Variants in PRL observed in about 807,000 individuals in gnomAD.
The protein encoded by PRL is prolactin.
In PRL, 24 loss-of-function variants were observed where a neutral mutation model predicts 21.3. That is an observed-to-expected ratio of 1.13 (90% CI 0.82 to 1.59). The LOEUF (loss-of-function observed/expected upper bound fraction) is 1.59. PRL is among the 40% of genes most tolerant of loss of function. The pLI, the probability that PRL is intolerant of heterozygous loss-of-function variation, is 0.00. For missense variants in PRL, 243 were observed against 286.9 expected, an observed-to-expected ratio of 0.85 and a Z score of 1.10; for synonymous variants, 118 against 115.7, an observed-to-expected ratio of 1.02 and a Z score of -0.13.
At chr6:22,299,682 T>C (rs762947945), upstream of PRL, among the ~76,000 whole-genome samples, 4 of 151,900 alleles carry the variant, frequency 2.6e-5, no homozygotes, top group Non-Finnish European at 5.9e-5. Flanking sequence ...CTACTAAAAA[T>C]ACAAAAATTA....
At chr6:22,298,286 G>T (rs1045648772), upstream of PRL, among the ~76,000 whole-genome samples, 1 of 152,118 alleles carries the variant, frequency 6.6e-6, no homozygotes, top group African/African-American at 2.4e-5. Flanking sequence ...TCACCTTTTG[G>T]AAATTTCCTA....
chr6:22,300,513 A>G (rs1255357015), upstream of PRL, among the ~76,000 whole-genome samples: 5 of 152,240 alleles, frequency 3.3e-5, no homozygotes, highest in Admixed American at 6.5e-5. Flanking sequence ...CCCACTTTGC[A>G]GAGTGGAGCT....
chr6:22,291,820 T>C (rs1410933066), intron 3 of PRL, among the ~76,000 whole-genome samples: 2 of 152,224 alleles, frequency 1.3e-5, no homozygotes, highest in African/African-American at 4.8e-5. Context: ...ATGTTAAGGC[T>C]GTGATTATGG....
chr6:22,294,948 G>A (rs1035952183), intron 1 of PRL, among the ~76,000 whole-genome samples: 1 of 152,074 alleles, frequency 6.6e-6, no homozygotes, highest in Admixed American at 6.5e-5. Flanking sequence ...CAGCAGTCAG[G>A]CTGCCCAGCA....
upstream of PRL, among the ~76,000 whole-genome samples, chr6:22,302,214 CA>C (rs1761293779): frequency 6.6e-6 from 1 of 151,426 alleles, no homozygotes; most frequent in African/African-American, 2.4e-5. Context: ...TATAACCCTT[CA>C]AAAAATGGAA....
chr6:22,288,905 C>T lies in PRL; in HGVS notation c.492+1269G>A, dbSNP rs557841066. Among the ~76,000 whole-genome samples, 16 of 145,982 alleles carry T rather than the reference C, an allele frequency of 1.1e-4. No individual in the cohort carries two copies. Among genetic ancestry groups the T allele is most frequent in the Non-Finnish European group, 1.8e-4 (12 of 66,866 alleles). On this transcript the variant is annotated intron_variant, in intron 4 of 4. Coordinates refer to ENST00000306482, the MANE Select transcript of PRL (RefSeq NM_000948.6). This position sits in a 1 kb window ranked among gnomAD's most constrained non-coding sequence, Gnocchi z 4.5. ...GTGCGCGTGTGTGTGCGTGTGTGCG[C>T]GCGCGTGTGTGTGCGTGCGCGTGTG... is the stretch of plus-strand genomic sequence containing the variant.
intron 2 of PRL, 109 bp downstream of exon 2, chr6:22,294,300 T>C: frequency 2.4e-6 from 3 of 1,271,224 alleles, no homozygotes; most frequent in Non-Finnish European, 3.4e-6. Context: ...CATGTTAAAA[T>C]GTATCGTTTG....
chr6:22,289,778 CT>C (rs1043998997), intron 4 of PRL, among the ~76,000 whole-genome samples: 2 of 152,150 alleles, frequency 1.3e-5, no homozygotes, highest in Non-Finnish European at 2.9e-5. Context: ...TTCTTTCTCC[CT>C]TCCCACTCTC....
intron 1 of PRL, among the ~76,000 whole-genome samples, chr6:22,295,383 A>C (rs1321508843): frequency 6.6e-6 from 1 of 152,176 alleles, no homozygotes; most frequent in Admixed American, 6.5e-5. Context: ...TCGTCTTGTC[A>C]CATCGCGTAC....
upstream of PRL, among the ~76,000 whole-genome samples, chr6:22,300,305 A>G (rs2113521805): frequency 6.6e-6 from 1 of 152,354 alleles, no homozygotes; most frequent in South Asian, 2.1e-4. Context: ...CTAACTTAGT[A>G]TGTAAACAAA....
chr6:22,294,713 T>A (rs1164222003), intron 1 of PRL, 129 bp from the exon 2 acceptor site: 21 of 999,644 alleles, frequency 2.1e-5, no homozygotes, highest in Non-Finnish European at 2.9e-5. Context: ...CTGTAATGGC[T>A]GGGATGGGGG....
At chr6:22,291,014 C>T (rs1761038827) in intron 3 of PRL, 1 of 152,194 alleles carries the variant, frequency 6.6e-6, no homozygotes, top group Non-Finnish European at 1.5e-5. Context: ...CCAATGTTAT[C>T]TTGAATAACC....
rs1432675838 is a variant in PRL at position 22,292,663 on chromosome 6, A to T, written c.205-18T>A. ...CGTTTATCCTGGAAATGATGAGACAAATTCAATTAGTTGGGGTTGTTTGGG... is the reference window on the plus strand; with the variant it reads ...CGTTTATCCTGGAAATGATGAGACATATTCAATTAGTTGGGGTTGTTTGGG... On this transcript the variant is annotated intron_variant, in intron 2 of 4. Transcript: ENST00000306482. 1.9e-6 allele frequency: 3 copies of T among 1,600,998 alleles called. No homozygotes were observed. The highest frequency in any genetic ancestry group is 1.7e-6 in the Non-Finnish European group (2 of 1,170,328).
chr6:22,290,929 T>C (rs1270263637), intron 3 of PRL: 1 of 152,288 alleles, frequency 6.6e-6, no homozygotes, highest in Non-Finnish European at 1.5e-5. Context: ...CTTTCCTTGA[T>C]CTACACAACC....
In PRL at chr6:22,288,917, T is replaced by C. The variant is rs1581383314; in HGVS notation, c.492+1257A>G. Among the ~76,000 whole-genome samples, 1 of 129,194 alleles carries C rather than the reference T, an allele frequency of 7.7e-6. No individual in the cohort carries two copies. Among genetic ancestry groups the C allele is most frequent in the East Asian group, 2.6e-4 (1 of 3,776 alleles). 84.8% of individuals were successfully genotyped at this position (129,194 alleles called of 152,430 possible). A position where few individuals can be genotyped will look rare whatever the true frequency, so the allele number is the denominator to read the frequency against. On this transcript the variant is annotated intron_variant, in intron 4 of 4. Transcript: ENST00000306482. The surrounding 1 kb of genome is among the most constrained non-coding windows in gnomAD (Gnocchi z 4.5). ...GTGCGTGTGTGCGCGCGCGTGTGTG[T>C]GCGTGCGCGTGTGTGTGCATGTGTG...
At chr6:22,297,868 G>A (rs1581389753), upstream of PRL, among the ~76,000 whole-genome samples, 1 of 152,186 alleles carries the variant, frequency 6.6e-6, no homozygotes, top group East Asian at 1.9e-4. Context: ...TTGCGCACCA[G>A]CCTAATAATT....
At chr6:22,291,296 C>T (rs984281611) in intron 3 of PRL, among the ~76,000 whole-genome samples, 3 of 152,052 alleles carry the variant, frequency 2.0e-5, no homozygotes, top group Admixed American at 1.3e-4. Flanking sequence ...TGCAACACAA[C>T]GATTAAGAGT....
intron 1 of PRL, among the ~76,000 whole-genome samples, chr6:22,296,058 T>C (rs1018992899): frequency 3.3e-5 from 5 of 152,318 alleles, no homozygotes; most frequent in East Asian, 1.9e-4. Flanking sequence ...CGAAACCAAA[T>C]GTATATTTTA....
chr6:22,293,081 T>C (rs1233507150), intron 2 of PRL, among the ~76,000 whole-genome samples: 1 of 152,242 alleles, frequency 6.6e-6, no homozygotes, highest in Non-Finnish European at 1.5e-5. Flanking sequence ...GTGCCCAAAC[T>C]GATAGACTTC....
Sources: gnomAD v4.1 joint callset for allele counts (sites outside exome capture counted in the v4.1 genomes callset) on GRCh38, gnomAD v4.1.1 for gene constraint, Gnocchi (gnomAD v3.1) non-coding constraint, MANE v1.5 for transcripts, NCBI Gene and HGNC (gene_info 2026-07-23, HGNC 2026-07-21) for gene names.